The following GPC5 variants were observed in gnomAD, a reference collection of about 807,000 sequenced individuals.
The protein encoded by GPC5 is glypican-5.
GPC5 carries 47 observed loss-of-function variants against 53.9 expected under a neutral mutation model. The ratio of observed to expected loss-of-function variants is 0.87; its 90% CI spans 0.69 to 1.11. The LOEUF is 1.11. Among genes scored for constraint, GPC5 ranks in the 50% most tolerant of loss-of-function variants. GPC5 has a pLI of 0.00. For missense variants in GPC5, 748 were observed against 713.1 expected (o/e 1.05, Z -0.56); for synonymous variants, 286 against 263.3 (o/e 1.09, Z -0.84).
At chr13:92,001,854 A>G (rs960132798) in intron 6 of GPC5, among the ~76,000 whole-genome samples, 5 of 152,180 alleles carry the variant, frequency 3.3e-5, no homozygotes, top group African/African-American at 9.7e-5. Flanking sequence ...TGGAAGGCAT[A>G]TTAAACTACT....
chr13:92,796,743 C>T (rs995403505), intron 7 of GPC5, among the ~76,000 whole-genome samples: 2 of 151,818 alleles, frequency 1.3e-5, no homozygotes, highest in East Asian at 1.9e-4. Context: ...CTATCCAATG[C>T]TACATCAGTC....
At chr13:92,033,036 CGTGTGTGTGTGTGTGT>C (rs60958496) in intron 6 of GPC5, among the ~76,000 whole-genome samples, 46 of 138,992 alleles carry the variant, frequency 3.3e-4, no homozygotes, top group Non-Finnish European at 2.6e-4. Flanking sequence ...TAGTTATTGT[CGTGTGTGTGTGTGTGT>C]GTGTGTGTGT....
intron 5 of GPC5, among the ~76,000 whole-genome samples, chr13:91,848,253 G>A (rs990512810): frequency 6.6e-5 from 10 of 152,244 alleles, no homozygotes; most frequent in Non-Finnish European, 4.4e-5. Flanking sequence ...GCACAAGCCT[G>A]TAGTGTATTC....
intron 7 of GPC5, among the ~76,000 whole-genome samples, chr13:92,623,202 G>A (rs560530722): frequency 6.6e-6 from 1 of 151,970 alleles, no homozygotes; most frequent in South Asian, 2.1e-4. Flanking sequence ...TATATGAACA[G>A]GGACAGAAAA....
At position 92,763,371 on chromosome 13, in the gene GPC5, G is replaced by A. The variant is rs902332239; in HGVS notation, c.1562-102911G>A. On this transcript the variant is annotated intron_variant, in intron 7 of 7. Transcript: ENST00000377067. Reference sequence around the variant, plus strand: ...GCTTCCATTCAGCTTCTTCAGCTTTGGTCAATGTTTGTTAGCATGACTATG... The same window carrying A: ...GCTTCCATTCAGCTTCTTCAGCTTTAGTCAATGTTTGTTAGCATGACTATG... 8.2e-5 allele frequency among the ~76,000 whole-genome samples: 9 copies of A among 109,526 alleles called. No individual in the cohort carries two copies. In the East Asian group the frequency reaches 4.2e-3, roughly 51 times the overall value. The allele number at this position is 109,526 out of a possible 152,430, so 71.9% of individuals were successfully genotyped here. A position where few individuals can be genotyped will look rare whatever the true frequency, so the allele number is the denominator to read the frequency against.
chr13:91,705,259 G>C (rs190970546), intron 3 of GPC5, among the ~76,000 whole-genome samples: 3 of 152,308 alleles, frequency 2.0e-5, no homozygotes, highest in East Asian at 1.9e-4. Context: ...AATCAGAAAG[G>C]CTGGCTGCTA....
At chr13:91,802,398 T>A (rs1434719247) in intron 5 of GPC5, among the ~76,000 whole-genome samples, 1 of 152,156 alleles carries the variant, frequency 6.6e-6, no homozygotes. Context: ...CTGCAGACCC[T>A]TGTGGTGAGT....
rs138502810 is a variant in GPC5 at position 91,933,090 on chromosome 13, C to A, written c.1401+25033C>A. Among the ~76,000 whole-genome samples, 809 of 151,944 alleles carry A rather than the reference C, an allele frequency of 5.3e-3. 15 individuals carry two copies. Among genetic ancestry groups the A allele is most frequent in the African/African-American group, 0.019 (780 of 41,486 alleles). On this transcript the variant is annotated intron_variant, in intron 6 of 7. Coordinates refer to ENST00000377067, the MANE Select transcript of GPC5 (RefSeq NM_004466.6). ...TCTAGTTTGTTTAGAAGCATTTTTTCAGAACTGCTATAGGTCAAACTTTCA... is the reference window on the plus strand; with the variant it reads ...TCTAGTTTGTTTAGAAGCATTTTTTAAGAACTGCTATAGGTCAAACTTTCA...
intron 7 of GPC5, among the ~76,000 whole-genome samples, chr13:92,351,219 A>G (rs1056574828): frequency 2.6e-5 from 4 of 151,976 alleles, no homozygotes; most frequent in Non-Finnish European, 4.4e-5. Context: ...GACAAAAAAT[A>G]AATAACAAAC....
intron 7 of GPC5, among the ~76,000 whole-genome samples, chr13:92,316,495 G>A (rs1355382919): frequency 6.6e-6 from 1 of 152,022 alleles, no homozygotes; most frequent in Non-Finnish European, 1.5e-5. Flanking sequence ...AGCTGCTTAA[G>A]TATCTAGATT....
At chr13:91,660,783 AAGTC>A (rs1227921229) in intron 2 of GPC5, among the ~76,000 whole-genome samples, 28 of 152,244 alleles carry the variant, frequency 1.8e-4, no homozygotes, top group Admixed American at 1.8e-3. Context: ...TACAAAATCT[AAGTC>A]AGAAAGTTAA....
intron 2 of GPC5, among the ~76,000 whole-genome samples, chr13:91,552,599 C>T (rs147718265): frequency 3.9e-5 from 6 of 152,082 alleles, no homozygotes; most frequent in South Asian, 2.1e-4. Flanking sequence ...AGGGATGGGC[C>T]GAATTAAAGG....
chr13:92,380,478 C>T (rs572949494), intron 7 of GPC5, among the ~76,000 whole-genome samples: 49 of 152,088 alleles, frequency 3.2e-4, no homozygotes, highest in African/African-American at 9.9e-4. Context: ...AGAATACAGG[C>T]GCATTGTTTG....
At chr13:92,364,860 A>G (rs2043595942) in intron 7 of GPC5, among the ~76,000 whole-genome samples, 1 of 151,872 alleles carries the variant, frequency 6.6e-6, no homozygotes, top group Admixed American at 6.5e-5. Context: ...ACTTGCTATG[A>G]GTCAATGTTT....
chr13:92,046,924 A>T (rs1395821906), intron 6 of GPC5, among the ~76,000 whole-genome samples: 1 of 152,170 alleles, frequency 6.6e-6, no homozygotes, highest in African/African-American at 2.4e-5. Context: ...AAAATCACTA[A>T]TGTTTTAATA....
intron 7 of GPC5, among the ~76,000 whole-genome samples, chr13:92,696,397 C>A (rs1263603957): frequency 1.3e-5 from 2 of 152,138 alleles, no homozygotes; most frequent in Non-Finnish European, 2.9e-5. Context: ...TTCTAACTGG[C>A]ATGAGATGGT....
chr13:92,586,976 A>ACG (rs1385395350), intron 7 of GPC5, among the ~76,000 whole-genome samples: 1 of 151,780 alleles, frequency 6.6e-6, no homozygotes, highest in African/African-American at 2.4e-5. Context: ...GCACACACAC[A>ACG]CACGCACACA....
intron 7 of GPC5, among the ~76,000 whole-genome samples, chr13:92,498,729 T>A (rs1449275977): frequency 6.6e-6 from 1 of 152,166 alleles, no homozygotes; most frequent in Non-Finnish European, 1.5e-5. Context: ...ACCCATTATA[T>A]GTGCTCTTTC....
intron 7 of GPC5, among the ~76,000 whole-genome samples, chr13:92,347,852 TAC>T (rs201658564): frequency 0.04 from 703 of 17,640 alleles, 148 homozygotes; most frequent in African/African-American, 0.24. Flanking sequence ...GGCTGTTTTA[TAC>T]ATATATATAT....
Sources: allele counts gnomAD v4.1 joint callset (sites outside exome capture counted in the v4.1 genomes callset), GRCh38; gene constraint gnomAD v4.1.1; transcripts MANE v1.5; gene names NCBI Gene and HGNC (gene_info 2026-07-23, HGNC 2026-07-21).